USP34: variants seen among roughly 807,000 people sequenced by gnomAD.
USP34 encodes ubiquitin carboxyl-terminal hydrolase 34.
Under a neutral mutation model 460.3 loss-of-function variants are expected in USP34, and 70 were observed. The ratio of observed to expected loss-of-function variants is 0.15; its 90% CI spans 0.13 to 0.19. The LOEUF (loss-of-function observed/expected upper bound fraction) is 0.19, where lower values mean the gene tolerates loss of function less well. USP34 is among the 10% of genes least tolerant of loss of function. The pLI is 1.00. For missense variants in USP34, 3,985 were observed against 4,236.2 expected (o/e 0.94, Z 1.65); for synonymous variants, 1,647 against 1,405.3 (o/e 1.17, Z -3.85).
intron 21 of USP34, 86 bp from the exon 22 acceptor site, chr2:61,319,413 C>A: frequency 2.2e-6 from 2 of 927,016 alleles, no homozygotes; most frequent in Non-Finnish European, 3.0e-6. Flanking sequence ...TACAGTAAGT[C>A]CTCACTTAAC....
At chr2:61,229,489 CAAAAACACCA>C in intron 59 of USP34, 49 bp downstream of exon 59, 1 of 409,672 alleles carries the variant, frequency 2.4e-6, no homozygotes, top group Non-Finnish European at 3.6e-6. Context: ...AAAAAAAAAA[CAAAAACACCA>C]CACACACACA....
intron 3 of USP34, 117 bp from the exon 4 acceptor site, chr2:61,395,350 C>CCTA (rs1693484859): frequency 1.0e-5 from 7 of 686,728 alleles, no homozygotes; most frequent in Non-Finnish European, 1.7e-5. Flanking sequence ...TTTGCAATTA[C>CCTA]TCCTGATAAG....
At chr2:61,467,902 T>C (rs552779917) in intron 1 of USP34, among the ~76,000 whole-genome samples, 2 of 152,186 alleles carry the variant, frequency 1.3e-5, no homozygotes, top group South Asian at 4.1e-4. Flanking sequence ...AATACAGGCG[T>C]GAGCTGTATT....
At position 61,279,899 on chromosome 2, in the gene USP34, G is replaced by A. The variant is rs573473976; in HGVS notation, c.5256+345C>T. 2.0e-5 allele frequency among the ~76,000 whole-genome samples: 3 copies of A among 152,178 alleles called. No individual in the cohort carries two copies. In the South Asian group the frequency reaches 6.2e-4, roughly 32 times the overall value. On this transcript the variant is annotated intron_variant, in intron 39 of 79. Transcript: ENST00000398571. ...TATCTGAACTGCAATTTTATTTTACGTATTTGGGACTCCAAACTACATGCT... is the reference window on the plus strand; with the variant it reads ...TATCTGAACTGCAATTTTATTTTACATATTTGGGACTCCAAACTACATGCT...
At chr2:61,428,217 C>T (rs2421197) in intron 1 of USP34, among the ~76,000 whole-genome samples, 140,792 of 144,020 alleles carry the variant, frequency 0.98, 68,824 homozygotes, top group East Asian at 1. Context: ...AATGTTATTT[C>T]TGAGTATGAG....
In USP34 at chr2:61,339,575, A is replaced by G. The variant is rs1246514159; in HGVS notation, c.2607T>C (p.Asp869=). The G allele has an allele frequency of 2.5e-6, 4 of 1,573,246 alleles. No individual in the cohort carries two copies. The South Asian group carries it at 3.7e-5, about 14-fold the overall frequency. The stretch of plus-strand genomic sequence containing the variant: ...CTATTAAATAACTTACTGCATCTTC[A>G]TCTTGGACTATATCCCACAACAAAG... The part of the protein sequence containing the change: ...GNTLLWDIVQ[D]EDAVNLSEGL... Residue 869 remains aspartate (D), a synonymous_variant, in exon 17 of 80, where the codon GAT becomes GAC. Transcript: ENST00000398571.
intron 48 of USP34, among the ~76,000 whole-genome samples, chr2:61,253,147 A>T (rs1688631384): frequency 1.3e-5 from 2 of 152,188 alleles, no homozygotes; most frequent in African/African-American, 2.4e-5. Context: ...ATTTCTGTTG[A>T]TTATTATGTT....
intron 1 of USP34, among the ~76,000 whole-genome samples, chr2:61,442,839 T>C (rs893477054): frequency 6.6e-6 from 1 of 150,798 alleles, no homozygotes; most frequent in Non-Finnish European, 1.5e-5. Flanking sequence ...GTAGCCAAGA[T>C]ACAAAATCAA....
chr2:61,241,461 C>T (rs1050487247), intron 53 of USP34, 99 bp downstream of exon 53: 1 of 756,930 alleles, frequency 1.3e-6, no homozygotes. Flanking sequence ...CTCAGAATTG[C>T]AGATATCAAC....
chr2:61,239,352 A>AC (rs1572861855), intron 53 of USP34, among the ~76,000 whole-genome samples: 1 of 146,966 alleles, frequency 6.8e-6, no homozygotes, highest in Admixed American at 6.8e-5. Context: ...ACACACACAC[A>AC]GAAGTTTGAG....
chr2:61,426,972 T>C (rs1047049015), intron 1 of USP34, among the ~76,000 whole-genome samples: 2 of 152,230 alleles, frequency 1.3e-5, no homozygotes, highest in Non-Finnish European at 2.9e-5. Context: ...TGTATGAGTC[T>C]GCAAGAACCA....
Position 61,259,890 on chromosome 2 carries a change from A to G in USP34, c.5779-114T>C, listed in dbSNP as rs115968049. 9.6e-3 allele frequency: 8,533 copies of G among 889,072 alleles called. 72 individuals carry two copies. Among genetic ancestry groups the G allele is most frequent in the Middle Eastern group, 0.027 (96 of 3,620 alleles). The allele number at this position is 889,072 out of a possible 1,614,324, so 55.1% of individuals were successfully genotyped here. On this transcript the variant is annotated intron_variant, in intron 43 of 79. Transcript: ENST00000398571. The stretch of plus-strand genomic sequence containing the variant: ...TGTATCTGTTTTCATTCTTTTGGCT[A>G]TATAAAAGAAAAACACCAACACATT...
At chr2:61,260,418 A>C (rs1688844010) in intron 43 of USP34, among the ~76,000 whole-genome samples, 1 of 152,226 alleles carries the variant, frequency 6.6e-6, no homozygotes, top group Non-Finnish European at 1.5e-5. Context: ...TCTATAAAGT[A>C]GGTATTATTC....
intron 3 of USP34, among the ~76,000 whole-genome samples, chr2:61,404,662 C>T (rs954201351): frequency 7.9e-5 from 12 of 152,256 alleles, no homozygotes; most frequent in Admixed American, 2.6e-4. Flanking sequence ...CACACAAGTG[C>T]GACCCAGACC....
intron 10 of USP34, among the ~76,000 whole-genome samples, chr2:61,361,616 T>G (rs1290724102): frequency 7.5e-6 from 1 of 133,144 alleles, no homozygotes; most frequent in Non-Finnish European, 1.7e-5. Context: ...ACATACAGAA[T>G]GAAACTGGAT....
At position 61,294,941 on chromosome 2, in the gene USP34, G is replaced by C. The variant is rs375829914; in HGVS notation, c.4461+8C>G. The C allele has an allele frequency of 4.2e-5, 68 of 1,605,692 alleles. No individual in the cohort carries two copies. The highest frequency in any genetic ancestry group is 5.7e-5 in the Non-Finnish European group (67 of 1,175,230). On this transcript the variant is annotated splice_region_variant and intron_variant, in intron 32 of 79. Coordinates refer to ENST00000398571, the MANE Select transcript of USP34 (RefSeq NM_014709.4). Reference sequence around the variant, plus strand: ...TATCAATACATTGAAAAACACATATGATCAAACCTTGCAACTCCAGGAATT... The same window carrying C: ...TATCAATACATTGAAAAACACATATCATCAAACCTTGCAACTCCAGGAATT...
chr2:61,221,719 A>G, intron 65 of USP34, 113 bp from the exon 66 acceptor site: 1 of 957,424 alleles, frequency 1.0e-6, no homozygotes, highest in South Asian at 2.3e-5. Flanking sequence ...TTAGGGAAGG[A>G]GAGCTCAGCC....
chr2:61,355,780 G>A (rs767624572), intron 10 of USP34, among the ~76,000 whole-genome samples: 3 of 152,114 alleles, frequency 2.0e-5, no homozygotes, highest in South Asian at 4.1e-4. Context: ...TATTTTAAAT[G>A]TAAATGGTTT....
Position 61,293,519 on chromosome 2 carries a change from A to G in USP34, c.4493T>C (p.Leu1498Ser), listed in dbSNP as rs1689925962. The G allele has an allele frequency of 6.2e-7, 1 of 1,612,928 alleles. No homozygotes were observed. The highest frequency in any genetic ancestry group is 8.5e-7 in the Non-Finnish European group (1 of 1,179,358). Residue 1498 changes from leucine to serine, a missense_variant, in exon 33 of 80, where the codon TTA becomes TCA. This residue lies in a region of USP34 where 1,114 missense variants were observed against 1,122.5 expected (regional missense o/e 0.99). Coordinates refer to ENST00000398571, the MANE Select transcript of USP34 (RefSeq NM_014709.4). ...FVAAGGLQQLLEIFNSGILEP... is the reference protein window; with the variant it reads ...FVAAGGLQQLSEIFNSGILEP... The stretch of plus-strand genomic sequence containing the variant: ...TAGAATTCCAGAATTAAAAATTTCT[A>G]ATAACTGTTGAAGCCCTCCAGCAGC...
Sources: allele counts gnomAD v4.1 joint callset (sites outside exome capture counted in the v4.1 genomes callset), GRCh38; gene constraint gnomAD v4.1.1; regional missense constraint gnomAD v4.1.1; transcripts MANE v1.5; gene names NCBI Gene and HGNC (gene_info 2026-07-23, HGNC 2026-07-21).